Variants in MDH1B observed in about 807,000 individuals in gnomAD.
MDH1B encodes the protein malate dehydrogenase 1B.
A neutral mutation model predicts 61.4 loss-of-function variants in MDH1B; 60 were observed. The ratio of observed to expected loss-of-function variants is 0.98; its 90% CI spans 0.79 to 1.21. The LOEUF (loss-of-function observed/expected upper bound fraction) is 1.21. Ranked by LOEUF, MDH1B falls within the 50% of genes most tolerant of loss-of-function variation. The probability of loss-of-function intolerance (pLI) is 0.00; values close to 1 mark genes in which losing one functional copy is unlikely to be tolerated. For missense variants in MDH1B, 587 were observed against 632.1 expected (o/e 0.93, Z 0.76); for synonymous variants, 236 against 218.7 (o/e 1.08, Z -0.70).
At position 206,739,735 on chromosome 2, in the gene MDH1B, C is replaced by T. The variant is rs888741581; in HGVS notation, c.1460-74G>A. 2.2e-6 allele frequency: 3 copies of T among 1,341,840 alleles called. No homozygotes were observed. The South Asian group carries it at 3.7e-5, about 16-fold the overall frequency. 83.1% of individuals were successfully genotyped at this position (1,341,840 alleles called of 1,614,324 possible). ...TTTTTGCAGTTATTTCCATTTTCTT[C>T]TATCTTGTTCCTTCCACTCTGAGGT... On this transcript the variant is annotated intron_variant, in intron 10 of 11. Coordinates refer to ENST00000374412, the MANE Select transcript of MDH1B (RefSeq NM_001039845.3).
chr2:206,757,865 A>T lies in MDH1B; in HGVS notation c.136-494T>A, dbSNP rs150100081. Among the ~76,000 whole-genome samples the T allele has an allele frequency of 4.2e-3, 646 of 152,326 alleles. 2 individuals are homozygous for T. Among genetic ancestry groups the T allele is most frequent in the Non-Finnish European group, 7.1e-3 (482 of 68,046 alleles). ...ATTTCCGACAATATTTATCAGAAAA[A>T]ATTTAAATTATCATTATCTGATTTA... On this transcript the variant is annotated intron_variant, in intron 2 of 11. Coordinates refer to ENST00000374412, the MANE Select transcript of MDH1B (RefSeq NM_001039845.3).
At chr2:206,761,375 G>A (rs1293754495) in intron 1 of MDH1B, among the ~76,000 whole-genome samples, 1 of 152,070 alleles carries the variant, frequency 6.6e-6, no homozygotes, top group East Asian at 1.9e-4. Flanking sequence ...GCCACCAAAA[G>A]GTAAAGTTTG....
In MDH1B at chr2:206,749,083, G is replaced by A; in HGVS notation, c.1153C>T (p.Leu385=). The change falls in exon 7 of 12, where the codon CTG becomes TTG. Residue 385 remains leucine (L), a synonymous_variant. Coordinates refer to ENST00000374412, the MANE Select transcript of MDH1B (RefSeq NM_001039845.3). ...ILAAHSIATT[L]KYWYHGSPPG... is the part of the protein sequence containing the mutation. The stretch of plus-strand genomic sequence containing the variant: ...GGTGAGCCATGGTACCAGTATTTCA[G>A]TGTAGTGGCTATACTGTGTGCAGCC... The A allele has an allele frequency of 3.1e-6, 5 of 1,614,066 alleles. No individual in the cohort carries two copies. The highest frequency in any genetic ancestry group is 4.2e-6 in the Non-Finnish European group (5 of 1,179,916).
chr2:206,750,388 C>A (rs1688366632), intron 6 of MDH1B, among the ~76,000 whole-genome samples: 1 of 143,120 alleles, frequency 7.0e-6, no homozygotes, highest in Non-Finnish European at 1.5e-5. Context: ...CTTAGCCTCT[C>A]TGTAACTCAG....
In MDH1B at chr2:206,761,035, A is replaced by G. The variant is rs200913905; in HGVS notation, c.23-22T>C. The G allele has an allele frequency of 9.9e-5, 130 of 1,307,378 alleles. No individual in the cohort carries two copies. The African/African-American group carries it at 1.8e-3, about 18-fold the overall frequency. The allele number at this position is 1,307,378 out of a possible 1,614,324, so 81.0% of individuals were successfully genotyped here. The stretch of plus-strand genomic sequence containing the variant: ...CTACCTAAAAGAGTTCAAATTAGCA[A>G]TGTTTTCTTTCATCATGCAGAAATT... On this transcript the variant is annotated intron_variant, in intron 1 of 11. Transcript: ENST00000374412.
At chr2:206,746,219 C>A in intron 8 of MDH1B, 68 bp downstream of exon 8, 2 of 1,361,444 alleles carry the variant, frequency 1.5e-6, no homozygotes, top group Non-Finnish European at 1.9e-6. Context: ...CAATGTATGC[C>A]TTGGCCTAGG....
Position 206,755,060 on chromosome 2 carries a change from C to T in MDH1B, c.859G>A (p.Glu287Lys), listed in dbSNP as rs780753844. The change falls in exon 5 of 12, where the codon GAA (glutamate) becomes AAA (lysine). Residue 287 changes from glutamate to lysine, a missense_variant. By Grantham distance (56) the Glu-to-Lys change is moderately conservative. Transcript: ENST00000374412. ...GCCAGTATGGCTTTCGCTTCACCTT[C>T]CACCCCCAGCGCCACAGCAATAATG... ...HNIIAVALGVEGEAKAILARK... is the reference protein window; with the variant it reads ...HNIIAVALGVKGEAKAILARK... 7.4e-6 allele frequency: 12 copies of T among 1,614,166 alleles called. No individual in the cohort carries two copies. In the Admixed American group the frequency reaches 1.8e-4, roughly 25 times the overall value.
At chr2:206,752,064 C>T (rs1181643734) in intron 5 of MDH1B, among the ~76,000 whole-genome samples, 1 of 152,142 alleles carries the variant, frequency 6.6e-6, no homozygotes, top group Non-Finnish European at 1.5e-5. Context: ...GCTGGTTCAG[C>T]AGCTCAGAGA....
At chr2:206,751,881 C>T (rs1688467750) in intron 5 of MDH1B, among the ~76,000 whole-genome samples, 1 of 152,094 alleles carries the variant, frequency 6.6e-6, no homozygotes, top group Admixed American at 6.5e-5. Context: ...AACTTATTTG[C>T]CTAAAAACTT....
intron 5 of MDH1B, 121 bp downstream of exon 5, chr2:206,754,888 G>T: frequency 8.6e-7 from 1 of 1,167,126 alleles, no homozygotes; most frequent in Non-Finnish European, 1.2e-6. Context: ...CTTTATGTCT[G>T]TTTTATACTT....
chr2:206,753,099 T>C (rs1299862883), intron 5 of MDH1B, among the ~76,000 whole-genome samples: 1 of 151,932 alleles, frequency 6.6e-6, no homozygotes, highest in Non-Finnish European at 1.5e-5. Context: ...CCAGTGACCA[T>C]TCTGCCACCT....
rs1188973322 is a variant in MDH1B, at chr2:206,745,654, C to T, written c.1376G>A (p.Gly459Glu). Residue 459 changes from glycine to glutamate, a missense_variant, in exon 9 of 12, where the codon GGA (glycine) becomes GAA (glutamate). Gly to Glu is a moderately conservative substitution (Grantham distance 98). Coordinates refer to ENST00000374412, the MANE Select transcript of MDH1B (RefSeq NM_001039845.3). The part of the protein sequence containing the change: ...DLIQEKLVAL[G>E]DKIHFQPYQS... Reference sequence around the variant, plus strand: ...GTATGGCTGAAAATGTATCTTGTCTCCAAGTGCAACAAGTTTCTCCTGTTG... The same window carrying T: ...GTATGGCTGAAAATGTATCTTGTCTTCAAGTGCAACAAGTTTCTCCTGTTG... 2.2e-5 allele frequency: 36 copies of T among 1,612,008 alleles called. No homozygotes were observed. The highest frequency in any genetic ancestry group is 3.0e-5 in the Non-Finnish European group (35 of 1,178,856).
intron 7 of MDH1B, among the ~76,000 whole-genome samples, chr2:206,746,817 T>A (rs1407938969): frequency 6.6e-6 from 1 of 151,956 alleles, no homozygotes; most frequent in Non-Finnish European, 1.5e-5. Flanking sequence ...ACAGCCAGAG[T>A]ATGAAGAATT....
At chr2:206,743,087 A>T (rs923743002) in intron 9 of MDH1B, among the ~76,000 whole-genome samples, 2 of 152,178 alleles carry the variant, frequency 1.3e-5, no homozygotes, top group Admixed American at 6.5e-5. Context: ...ATGGGATAAT[A>T]GTTGAAGGAA....
chr2:206,755,824 G>A (rs1366804786), intron 4 of MDH1B, among the ~76,000 whole-genome samples: 2 of 151,252 alleles, frequency 1.3e-5, no homozygotes, highest in African/African-American at 4.9e-5. Flanking sequence ...GTAATTATGT[G>A]TTTATATTTC....
chr2:206,757,388 C>A lies in MDH1B; in HGVS notation c.136-17G>T. 1 of 1,606,318 alleles carries A rather than the reference C, an allele frequency of 6.2e-7. No individual in the cohort carries two copies. Among genetic ancestry groups the A allele is most frequent in the Non-Finnish European group, 8.5e-7 (1 of 1,177,924 alleles). ...TAGCCAATCCTGTTGAATGATATCC[C>A]AAGTGAAGTCATATATTAAATCTGC... On this transcript the variant is annotated splice_polypyrimidine_tract_variant and intron_variant, in intron 2 of 11. Transcript: ENST00000374412.
In MDH1B at chr2:206,739,654, C is replaced by A. The variant is rs150606324; in HGVS notation, c.1467G>T (p.Glu489Asp). ...EKNLAMSDAAEFPNQIPQTTF... is the reference protein window; with the variant it reads ...EKNLAMSDAADFPNQIPQTTF... ...TGGTTTGAGGAATCTGATTTGGAAA[C>A]TCTGCTGCTGCAAATAGAGTTAAAA... Residue 489 changes from glutamate (E) to aspartate (D), a missense_variant, in exon 11 of 12, where the codon GAG (glutamate) becomes GAT (aspartate). Physicochemically the swap from Glu to Asp is conservative, Grantham distance 45. Transcript: ENST00000374412. 176 of 1,613,768 alleles carry A rather than the reference C, an allele frequency of 1.1e-4. No individual in the cohort carries two copies. Among genetic ancestry groups the A allele is most frequent in the Non-Finnish European group, 1.4e-4 (170 of 1,179,870 alleles).
At chr2:206,755,550 TC>T in intron 4 of MDH1B, 45 bp from the exon 5 acceptor site, 1 of 1,562,310 alleles carries the variant, frequency 6.4e-7, no homozygotes, top group Non-Finnish European at 8.7e-7. Flanking sequence ...ATATCCTTTG[TC>T]CCTTTTAAGC....
At position 206,748,633 on chromosome 2, in the gene MDH1B, G is replaced by C. The variant is rs79237933; in HGVS notation, c.1216+387C>G. ...CAGGTCAAAGCTCCTCATACTTTAG[G>C]CTTACTGTAGTGTCACCTTCTTTAT... On this transcript the variant is annotated intron_variant, in intron 7 of 11. Coordinates refer to ENST00000374412, the MANE Select transcript of MDH1B (RefSeq NM_001039845.3). 9.2e-3 allele frequency among the ~76,000 whole-genome samples: 1,393 copies of C among 152,158 alleles called. 30 individuals are homozygous for C. Among genetic ancestry groups the C allele is most frequent in the African/African-American group, 0.032 (1,320 of 41,494 alleles).
Sources: allele counts gnomAD v4.1 joint callset (sites outside exome capture counted in the v4.1 genomes callset), GRCh38; gene constraint gnomAD v4.1.1; transcripts MANE v1.5; gene names NCBI Gene and HGNC (gene_info 2026-07-23, HGNC 2026-07-21).